The following TEAD1 variants were observed in gnomAD, a reference collection of about 807,000 sequenced individuals.
TEAD1 encodes TEA domain transcription factor 1.
In TEAD1, 9 loss-of-function variants were observed where a neutral mutation model predicts 54.9. The ratio of observed to expected loss-of-function variants is 0.16; its 90% confidence interval spans 0.10 to 0.29. TEAD1 has a LOEUF of 0.29. Ranked by LOEUF, TEAD1 falls within the 10% of genes least tolerant of loss-of-function variation. The pLI is 1.00. For missense variants in TEAD1, 387 were observed against 535.9 expected (o/e 0.72, Z 2.74); for synonymous variants, 200 against 187.8 (o/e 1.07, Z -0.53).
intron 3 of TEAD1, among the ~76,000 whole-genome samples, chr11:12,860,206 GGA>G (rs1947470299): frequency 6.6e-6 from 1 of 152,160 alleles, no homozygotes; most frequent in Admixed American, 6.5e-5. Flanking sequence ...CTTGTTAAGA[GGA>G]ACAGGAAGGA....
At chr11:12,878,216 TG>T (rs1947894828) in intron 5 of TEAD1, among the ~76,000 whole-genome samples, 2 of 152,342 alleles carry the variant, frequency 1.3e-5, no homozygotes, top group South Asian at 4.1e-4. Flanking sequence ...ATCTACACCC[TG>T]GGAACACCTA....
chr11:12,750,081 A>C (rs1401774349), intron 2 of TEAD1, among the ~76,000 whole-genome samples: 2 of 152,230 alleles, frequency 1.3e-5, no homozygotes, highest in Non-Finnish European at 2.9e-5. Context: ...ATTGGGACCC[A>C]GTTGACATTT....
At chr11:12,758,616 A>C (rs2133918129) in intron 2 of TEAD1, among the ~76,000 whole-genome samples, 2 of 151,882 alleles carry the variant, frequency 1.3e-5, no homozygotes, top group East Asian at 3.9e-4. Context: ...GGGTTTCATC[A>C]CGTTAGCCAG....
At chr11:12,687,689 C>T (rs1943362474) in intron 2 of TEAD1, among the ~76,000 whole-genome samples, 4 of 152,160 alleles carry the variant, frequency 2.6e-5, no homozygotes, top group Non-Finnish European at 5.9e-5. Context: ...CTTGGTGGCC[C>T]ATTTTACTCC....
intron 2 of TEAD1, among the ~76,000 whole-genome samples, chr11:12,727,945 C>T (rs1010351794): frequency 4.6e-5 from 7 of 151,996 alleles, no homozygotes; most frequent in Admixed American, 3.9e-4. Context: ...TGAAACTCCA[C>T]ACTCATTAAA....
At chr11:12,780,625 C>A (rs1203552464) in intron 3 of TEAD1, among the ~76,000 whole-genome samples, 3 of 152,178 alleles carry the variant, frequency 2.0e-5, no homozygotes, top group South Asian at 4.2e-4. Context: ...TGAAAAAGAA[C>A]AACATACACA....
At chr11:12,775,969 C>A (rs369764655) in intron 3 of TEAD1, among the ~76,000 whole-genome samples, 1 of 142,966 alleles carries the variant, frequency 7.0e-6, no homozygotes, top group African/African-American at 3.0e-5. Flanking sequence ...TGTTTACTGG[C>A]GGCGGGGGGT....
chr11:12,864,770 G>C, intron 4 of TEAD1, 68 bp from the exon 5 acceptor site: 7 of 1,613,102 alleles, frequency 4.3e-6, no homozygotes, highest in Non-Finnish European at 5.9e-6. Flanking sequence ...TTGCCCACTT[G>C]TAGGGGGCTT....
At chr11:12,829,461 A>G (rs920139943) in intron 3 of TEAD1, among the ~76,000 whole-genome samples, 1 of 152,246 alleles carries the variant, frequency 6.6e-6, no homozygotes, top group African/African-American at 2.4e-5. Context: ...GTCAACTGAG[A>G]CTAATGCAGA....
chr11:12,718,582 C>CT (rs545710961), intron 2 of TEAD1, among the ~76,000 whole-genome samples: 22 of 145,864 alleles, frequency 1.5e-4, no homozygotes, highest in Middle Eastern at 3.6e-3. Context: ...TGTACCGTTG[C>CT]TTTTTTTTTT....
intron 3 of TEAD1, among the ~76,000 whole-genome samples, chr11:12,847,712 G>A (rs1448980301): frequency 1.3e-5 from 2 of 152,196 alleles, no homozygotes; most frequent in African/African-American, 4.8e-5. Flanking sequence ...TTTTAGAGAC[G>A]GGTCTTGCTC....
intron 5 of TEAD1, among the ~76,000 whole-genome samples, chr11:12,869,147 C>T (rs1361855431): frequency 6.6e-6 from 1 of 152,192 alleles, no homozygotes; most frequent in Non-Finnish European, 1.5e-5. Flanking sequence ...AGGGATTCAT[C>T]TGTGGGCCTA....
At chr11:12,764,499 A>G in intron 3 of TEAD1, 65 bp downstream of exon 3, 2 of 1,575,296 alleles carry the variant, frequency 1.3e-6, no homozygotes, top group Non-Finnish European at 1.7e-6. Flanking sequence ...GATAGATTGT[A>G]GCTGGTCTTC....
rs1564937733 is a variant in TEAD1 at position 12,781,974 on chromosome 11, AAGAAAAAAAGAAAAAG to A, written c.202+17542_202+17557del. ...TACAAAAAAAAAAAAAAAAAAAAGAAAGAAAAAAAGAAAAAGAAAAAAAAAATTAGCCAAGCGTGGT... is the reference window on the plus strand; with the variant it reads ...TACAAAAAAAAAAAAAAAAAAAAGAAAAAAAAAAAATTAGCCAAGCGTGGT... On this transcript the variant is annotated intron_variant, in intron 3 of 12. Coordinates refer to ENST00000527636, the MANE Select transcript of TEAD1 (RefSeq NM_021961.6). Among the ~76,000 whole-genome samples, 553 of 133,116 alleles carry A rather than the reference AAGAAAAAAAGAAAAAG, an allele frequency of 4.2e-3. 40 individuals carry two copies. The highest frequency in any genetic ancestry group is 0.021 in the African/African-American group (519 of 24,900). The allele number at this position is 133,116 out of a possible 152,430, so 87.3% of individuals were successfully genotyped here.
intron 3 of TEAD1, among the ~76,000 whole-genome samples, chr11:12,848,457 A>T (rs1400112308): frequency 1.3e-5 from 2 of 152,204 alleles, no homozygotes; most frequent in Non-Finnish European, 2.9e-5. Context: ...CTCATTAAAC[A>T]CTTAACAGTT....
intron 7 of TEAD1, 72 bp from the exon 8 acceptor site, chr11:12,881,824 G>T (rs1331577150): frequency 6.5e-7 from 1 of 1,531,708 alleles, no homozygotes; most frequent in East Asian, 2.3e-5. Context: ...GGGAGGTCAT[G>T]GTGGGGCCTG....
intron 3 of TEAD1, among the ~76,000 whole-genome samples, chr11:12,815,085 A>G (rs1946388226): frequency 6.6e-6 from 1 of 152,190 alleles, no homozygotes; most frequent in Non-Finnish European, 1.5e-5. Flanking sequence ...GCTGGCCAAC[A>G]TCAAAGCCGG....
chr11:12,894,069 G>T (rs117363124), intron 9 of TEAD1, among the ~76,000 whole-genome samples: 2,876 of 152,278 alleles, frequency 0.019, 41 homozygotes, highest in Non-Finnish European at 0.034. Context: ...TAGGTGATTT[G>T]TCCTTGTTCT....
chr11:12,873,364 T>C (rs1694626525), intron 5 of TEAD1, among the ~76,000 whole-genome samples: 1 of 152,198 alleles, frequency 6.6e-6, no homozygotes, highest in Admixed American at 6.5e-5. Context: ...GAGGCACACC[T>C]ATGAGTTTGC....
Sources: gnomAD v4.1 joint callset for allele counts (sites outside exome capture counted in the v4.1 genomes callset) on GRCh38, gnomAD v4.1.1 for gene constraint, MANE v1.5 for transcripts, NCBI Gene and HGNC (gene_info 2026-07-23, HGNC 2026-07-21) for gene names.